The following SNX25 variants were observed in gnomAD, a reference collection of about 807,000 sequenced individuals.
The protein encoded by SNX25 is sorting nexin-25.
A neutral mutation model predicts 113.7 loss-of-function variants in SNX25; 62 were observed. That is an observed-to-expected ratio of 0.55 (90% confidence interval 0.44 to 0.67). The LOEUF (loss-of-function observed/expected upper bound fraction) is 0.67. SNX25 is among the 30% of genes least tolerant of loss of function. SNX25 has a pLI of 0.00. For missense variants in SNX25, 1,014 were observed against 1,161.0 expected (o/e 0.87, Z 1.84); for synonymous variants, 421 against 436.2 (o/e 0.97, Z 0.43).
chr4:185,240,832 C>T (rs1295377356), intron 1 of SNX25, among the ~76,000 whole-genome samples: 1 of 151,338 alleles, frequency 6.6e-6, no homozygotes, highest in Non-Finnish European at 1.5e-5. Context: ...GGTCTCCTCA[C>T]TTCTCAGACG....
At chr4:185,288,819 A>T (rs1318214047) in intron 6 of SNX25, among the ~76,000 whole-genome samples, 1 of 152,192 alleles carries the variant, frequency 6.6e-6, no homozygotes, top group African/African-American at 2.4e-5. Flanking sequence ...TAGAGTGCAG[A>T]GCAGGTCTGG....
intron 1 of SNX25, among the ~76,000 whole-genome samples, chr4:185,211,087 C>T (rs1005783580): frequency 2.0e-5 from 3 of 152,238 alleles, no homozygotes; most frequent in East Asian, 3.9e-4. Context: ...ATTGCCCAAG[C>T]GCTTTGGGGT....
intron 1 of SNX25, among the ~76,000 whole-genome samples, chr4:185,213,404 CAGA>C (rs374782412): frequency 3.3e-5 from 5 of 152,292 alleles, no homozygotes; most frequent in African/African-American, 9.6e-5. Flanking sequence ...TCAGATAGCA[CAGA>C]AGGTTTTGTG....
downstream of SNX25, among the ~76,000 whole-genome samples, chr4:185,374,624 G>A (rs1274265193): frequency 2.0e-5 from 3 of 152,156 alleles, no homozygotes; most frequent in East Asian, 1.9e-4. Context: ...CAGGGCAAGC[G>A]ATAAGGAGGA....
intron 1 of SNX25, among the ~76,000 whole-genome samples, chr4:185,211,659 T>C (rs1006653557): frequency 3.3e-5 from 5 of 152,196 alleles, no homozygotes; most frequent in African/African-American, 1.2e-4. Flanking sequence ...ATAAATATCC[T>C]GCTCTCTGGA....
chr4:185,316,333 A>G (rs1171431532), intron 7 of SNX25, among the ~76,000 whole-genome samples: 1 of 152,166 alleles, frequency 6.6e-6, no homozygotes, highest in African/African-American at 2.4e-5. Flanking sequence ...TTATGGGTGA[A>G]AAAACTGAGG....
Position 185,296,735 on chromosome 4 carries a change from C to T in SNX25, c.1162+8653C>T, listed in dbSNP as rs1431078400. ...GGGAAAGCTTTTACAGAAAACTTAA[C>T]AAGTACGAAACAGTTTGAAACAATT... On this transcript the variant is annotated intron_variant, in intron 6 of 18. Coordinates refer to ENST00000652585, the MANE Select transcript of SNX25 (RefSeq NM_001378034.2). 8.7e-4 allele frequency among the ~76,000 whole-genome samples: 132 copies of T among 152,238 alleles called. 1 individual carries two copies. Among genetic ancestry groups the T allele is most frequent in the Non-Finnish European group, 1.3e-4 (9 of 68,012 alleles).
intron 3 of SNX25, among the ~76,000 whole-genome samples, chr4:185,263,864 TC>T (rs1423180463): frequency 6.6e-6 from 1 of 152,208 alleles, no homozygotes; most frequent in Non-Finnish European, 1.5e-5. Flanking sequence ...AAATTAATGT[TC>T]CTGGGATGGA....
intron 13 of SNX25, among the ~76,000 whole-genome samples, chr4:185,347,896 C>G (rs891142339): frequency 6.6e-6 from 1 of 152,170 alleles, no homozygotes; most frequent in African/African-American, 2.4e-5. Context: ...GTCCCCCTTT[C>G]TATGGATTGC....
chr4:185,278,274 T>C (rs991469465), intron 5 of SNX25, among the ~76,000 whole-genome samples: 5 of 152,202 alleles, frequency 3.3e-5, no homozygotes, highest in African/African-American at 9.7e-5. Flanking sequence ...AGTCAACTTA[T>C]GGCAATCAGT....
intron 15 of SNX25, among the ~76,000 whole-genome samples, chr4:185,356,385 C>A (rs1462075956): frequency 6.6e-6 from 1 of 152,172 alleles, no homozygotes; most frequent in East Asian, 1.9e-4. Flanking sequence ...TGAGCCACCT[C>A]TTTCCTGCCC....
chr4:185,241,948 C>T (rs1355479673), intron 1 of SNX25, among the ~76,000 whole-genome samples: 2 of 152,060 alleles, frequency 1.3e-5, no homozygotes, highest in Non-Finnish European at 2.9e-5. Flanking sequence ...GTTTGGTTAT[C>T]CTCAGAGCCA....
rs1215101772 is a variant in SNX25, at chr4:185,346,542, C to A, written c.2193C>A (p.Val731=). ...QNLHRKLSEC[V]PSLKKVQLPS... ...TTCATTTTTTCCCCCCACAGTGCGT[C>A]CCTTCTTTAAAAAAAGTCCAGTTGC... is the stretch of plus-strand genomic sequence containing the variant. Residue 731 remains valine, a synonymous_variant, in exon 13 of 19, where the codon GTC becomes GTA. Transcript: ENST00000652585. 9.4e-6 allele frequency: 15 copies of A among 1,587,318 alleles called. No individual in the cohort carries two copies. Among genetic ancestry groups the A allele is most frequent in the Non-Finnish European group, 1.3e-5 (15 of 1,169,208 alleles).
chr4:185,316,172 C>A (rs912013972), intron 7 of SNX25, among the ~76,000 whole-genome samples: 3 of 152,212 alleles, frequency 2.0e-5, no homozygotes, highest in Non-Finnish European at 4.4e-5. Flanking sequence ...GACTTCTTAA[C>A]TATCCTGATT....
At chr4:185,332,245 G>C (rs889616214) in intron 9 of SNX25, among the ~76,000 whole-genome samples, 3 of 152,144 alleles carry the variant, frequency 2.0e-5, no homozygotes, top group Admixed American at 6.5e-5. Context: ...TGTCAGTCTT[G>C]GTTGAACATT....
intron 1 of SNX25, among the ~76,000 whole-genome samples, chr4:185,221,206 T>C (rs1739788230): frequency 6.6e-6 from 1 of 152,044 alleles, no homozygotes; most frequent in Non-Finnish European, 1.5e-5. Flanking sequence ...CTAATTTTTG[T>C]ATTTTTTGTA....
At chr4:185,303,118 G>T (rs779860283) in intron 6 of SNX25, among the ~76,000 whole-genome samples, 1 of 152,134 alleles carries the variant, frequency 6.6e-6, no homozygotes, top group Non-Finnish European at 1.5e-5. Context: ...ACACAAATCC[G>T]AAACTTGAGC....
chr4:185,308,696 C>T (rs1172416580), intron 6 of SNX25, among the ~76,000 whole-genome samples: 2 of 152,152 alleles, frequency 1.3e-5, no homozygotes, highest in African/African-American at 4.8e-5. Flanking sequence ...TAGATAAACA[C>T]CTACTTTTAT....
the SNX25 span, chr4:185,375,516 G>GTATATATATATATACATATATA: frequency 2.1e-5 from 1 of 46,680 alleles, no homozygotes; most frequent in South Asian, 9.0e-4. Context: ...ATATATATAT[G>GTATATATATATATACATATATA]TATATATATA....
Sources: allele counts gnomAD v4.1 joint callset (sites outside exome capture counted in the v4.1 genomes callset), GRCh38; gene constraint gnomAD v4.1.1; transcripts MANE v1.5; gene names NCBI Gene and HGNC (gene_info 2026-07-23, HGNC 2026-07-21).